Variants in MGRN1 observed in about 807,000 individuals in gnomAD.
MGRN1 encodes the protein E3 ubiquitin-protein ligase MGRN1.
MGRN1 carries 29 observed loss-of-function variants against 69.2 expected under a neutral mutation model. That is an observed-to-expected ratio of 0.42 (90% confidence interval 0.31 to 0.57). The LOEUF is 0.57. Ranked by LOEUF, MGRN1 falls within the 20% of genes least tolerant of loss-of-function variation. The pLI is 0.15. For synonymous variants in MGRN1, 470 were observed against 344.2 expected, an observed-to-expected ratio of 1.37 and a Z score of -4.04; for missense variants, 998 against 796.2, an observed-to-expected ratio of 1.25 and a Z score of -3.05.
Position 4,647,992 on chromosome 16 carries a change from G to A in MGRN1, c.89-2373G>A, listed in dbSNP as rs144397971. ...GGCTGTGCCAACTGTAACTGGGGCC[G>A]TGGTTCTCGGGAAGGACACAGACCA... On this transcript the variant is annotated intron_variant, in intron 1 of 16. Transcript: ENST00000262370. 7.0e-3 allele frequency among the ~76,000 whole-genome samples: 1,061 copies of A among 152,230 alleles called. 3 individuals carry two copies. Among genetic ancestry groups the A allele is most frequent in the Non-Finnish European group, 9.4e-3 (636 of 67,998 alleles).
intron 8 of MGRN1, among the ~76,000 whole-genome samples, chr16:4,670,631 G>C (rs142628481): frequency 6.6e-6 from 1 of 152,238 alleles, no homozygotes; most frequent in East Asian, 1.9e-4. Context: ...GAGGCAGGAG[G>C]ATTGCTTGAG....
intron 1 of MGRN1, among the ~76,000 whole-genome samples, chr16:4,641,844 G>C (rs2078166518): frequency 6.6e-6 from 1 of 152,150 alleles, no homozygotes. Context: ...TGTAGAGACA[G>C]GGTCTCGCCA....
In MGRN1 at chr16:4,681,400, C is replaced by T. The variant is rs550696332; in HGVS notation, c.1132-150C>T. ...CTGATGGCTGAGGCAGGGAGGGCAT[C>T]GGTGCTGCCAGGGAGCTCTTGGCCA... is the stretch of plus-strand genomic sequence containing the variant. On this transcript the variant is annotated intron_variant, in intron 12 of 16. Transcript: ENST00000262370. The T allele has an allele frequency of 3.3e-4, 221 of 670,502 alleles. No homozygotes were observed. In the South Asian group the frequency reaches 4.1e-3, roughly 12 times the overall value. The allele number at this position is 670,502 out of a possible 1,614,324, so 41.5% of individuals were successfully genotyped here.
At chr16:4,656,297 C>A (rs943741176) in intron 4 of MGRN1, among the ~76,000 whole-genome samples, 2 of 152,188 alleles carry the variant, frequency 1.3e-5, no homozygotes, top group African/African-American at 2.4e-5. Context: ...CTGCTGGTGT[C>A]CCCCAGGGGC....
At chr16:4,631,456 A>G (rs1897996380) in intron 1 of MGRN1, among the ~76,000 whole-genome samples, 1 of 152,182 alleles carries the variant, frequency 6.6e-6, no homozygotes, top group Non-Finnish European at 1.5e-5. Context: ...CTCTCAAGGG[A>G]CATTTGGCCA....
rs1056259327 is a variant in MGRN1 at position 4,664,839 on chromosome 16, G to C, written c.628+64G>C. On this transcript the variant is annotated intron_variant, in intron 6 of 16. Transcript: ENST00000262370. ...CGTGCAGGGAGGAAGCACGTCTTGA[G>C]GGAGGAGTGCTTGCAGCAGTGATGA... The C allele has an allele frequency of 2.3e-5, 37 of 1,583,048 alleles. No individual in the cohort carries two copies. In the East Asian group the frequency reaches 8.3e-4, roughly 35 times the overall value.
At chr16:4,688,057 G>A (rs990648944) in intron 16 of MGRN1, 33 of 985,392 alleles carry the variant, frequency 3.3e-5, no homozygotes, top group Non-Finnish European at 3.4e-5. Flanking sequence ...TCACAGCCTC[G>A]GAAACCTGCT....
rs190821879 is a variant in MGRN1, at chr16:4,662,734, C to T, written c.562-1975C>T. On this transcript the variant is annotated intron_variant, in intron 5 of 16. Transcript: ENST00000262370. Reference sequence around the variant, plus strand: ...GCCACCCTGGTCACTGGGGTGGGGACGTGTGCCCCTGCCCTGCTTCCGCTG... The same window carrying T: ...GCCACCCTGGTCACTGGGGTGGGGATGTGTGCCCCTGCCCTGCTTCCGCTG... Among the ~76,000 whole-genome samples the T allele has an allele frequency of 3.4e-4, 52 of 152,292 alleles. 1 individual carries two copies. The East Asian group carries it at 8.7e-3, about 25-fold the overall frequency.
chr16:4,662,289 C>T (rs993385440), intron 5 of MGRN1, among the ~76,000 whole-genome samples: 1 of 152,062 alleles, frequency 6.6e-6, no homozygotes, highest in African/African-American at 2.4e-5. Flanking sequence ...CTGAGTTAGT[C>T]GGATCACTGG....
chr16:4,646,483 G>C (rs1384825552), intron 1 of MGRN1, among the ~76,000 whole-genome samples: 2 of 152,068 alleles, frequency 1.3e-5, no homozygotes, highest in African/African-American at 4.8e-5. Flanking sequence ...GGCATGGAGG[G>C]GCTGCCTCCC....
intron 16 of MGRN1, chr16:4,687,265 G>C: frequency 2.0e-6 from 2 of 985,442 alleles, no homozygotes; most frequent in Non-Finnish European, 2.4e-6. Flanking sequence ...ACAGAAGGCG[G>C]CTCTGTCCAG....
intron 16 of MGRN1, chr16:4,688,431 G>A (rs916636418): frequency 9.5e-6 from 10 of 1,051,570 alleles, no homozygotes; most frequent in African/African-American, 5.0e-5. Context: ...TAACCCAGCC[G>A]TAAGAACCTT....
rs138386226 is a variant in MGRN1, at chr16:4,685,904, C to G, written c.1618+1972C>G. 1.2e-4 allele frequency among the ~76,000 whole-genome samples: 19 copies of G among 152,270 alleles called. No homozygotes were observed. In the East Asian group the frequency reaches 3.7e-3, roughly 29 times the overall value. ...TGGTGAACACTGGGGGCCCTGGTGT[C>G]TTGGACTTGGCCCTGAGCTCGGTCC... On this transcript the variant is annotated intron_variant, in intron 16 of 16. Transcript: ENST00000262370.
chr16:4,686,923 G>C (rs1383313733), intron 16 of MGRN1: 1 of 985,426 alleles, frequency 1.0e-6, no homozygotes, highest in East Asian at 1.1e-4. Flanking sequence ...GTCTCTTGGA[G>C]GGAGTCCGTC....
rs983102008 is a variant in MGRN1 at position 4,680,200 on chromosome 16, C to T, written c.1131+103C>T. 5.2e-6 allele frequency: 6 copies of T among 1,156,382 alleles called. No homozygotes were observed. In the African/African-American group the frequency reaches 7.7e-5, roughly 15 times the overall value. The allele number at this position is 1,156,382 out of a possible 1,614,324, so 71.6% of individuals were successfully genotyped here. On this transcript the variant is annotated intron_variant, in intron 12 of 16. Transcript: ENST00000262370. ...TTCCGCCCCAGGCTAGTGTCTGATT[C>T]ATATAACCCGTCAGCTCCACTTGCC... is the stretch of plus-strand genomic sequence containing the variant.
chr16:4,633,204 A>C (rs1471995870), intron 1 of MGRN1, among the ~76,000 whole-genome samples: 2 of 151,662 alleles, frequency 1.3e-5, no homozygotes, highest in Admixed American at 1.3e-4. Flanking sequence ...CCTGGCCAGC[A>C]TGGTAAAACC....
intron 16 of MGRN1, 36 bp from the exon 17 acceptor site, chr16:4,688,760 C>G: frequency 6.6e-7 from 1 of 1,516,192 alleles, no homozygotes; most frequent in East Asian, 2.5e-5. Context: ...ACCAGGCATC[C>G]GAGTGTGACC....
chr16:4,645,763 T>G (rs965519005), intron 1 of MGRN1, among the ~76,000 whole-genome samples: 2 of 152,080 alleles, frequency 1.3e-5, no homozygotes, highest in South Asian at 4.2e-4. Flanking sequence ...TGGCCTTGTC[T>G]GGGGCCTCGG....
chr16:4,684,252 C>T (rs993849401), intron 16 of MGRN1, among the ~76,000 whole-genome samples: 4 of 152,250 alleles, frequency 2.6e-5, no homozygotes, highest in African/African-American at 9.6e-5. Flanking sequence ...GGGTCCTTTT[C>T]CCTCTGCCTG....
Sources: allele counts gnomAD v4.1 joint callset (sites outside exome capture counted in the v4.1 genomes callset), GRCh38; gene constraint gnomAD v4.1.1; transcripts MANE v1.5; gene names NCBI Gene and HGNC (gene_info 2026-07-23, HGNC 2026-07-21).